MEIS1: variants seen among roughly 807,000 people sequenced by gnomAD.
MEIS1 encodes homeobox protein Meis1.
Under a neutral mutation model 50.8 loss-of-function variants are expected in MEIS1, and 5 were observed. That is an observed-to-expected ratio of 0.10 (90% confidence interval 0.05 to 0.21). MEIS1 has a LOEUF of 0.21. Ranked by LOEUF, MEIS1 falls within the 10% of genes least tolerant of loss-of-function variation. MEIS1 has a pLI of 1.00. For missense variants in MEIS1, 318 were observed against 517.3 expected, an observed-to-expected ratio of 0.61 and a Z score of 3.74; for synonymous variants, 176 against 179.3, an observed-to-expected ratio of 0.98 and a Z score of 0.15.
At chr2:66,444,613 G>A (rs1212786870) in intron 6 of MEIS1, among the ~76,000 whole-genome samples, 1 of 152,222 alleles carries the variant, frequency 6.6e-6, no homozygotes, top group African/African-American at 2.4e-5. Flanking sequence ...ATCCCAGTGC[G>A]GCCCCACAGA....
chr2:66,506,356 A>T (rs1014796268), intron 7 of MEIS1, among the ~76,000 whole-genome samples: 1 of 152,174 alleles, frequency 6.6e-6, no homozygotes, highest in Non-Finnish European at 1.5e-5. Context: ...TGGGGGAAGC[A>T]AGCGAAGACT....
intron 5 of MEIS1, chr2:66,441,826 T>G: frequency 4.6e-6 from 1 of 216,894 alleles, no homozygotes; most frequent in Non-Finnish European, 9.0e-6. Flanking sequence ...TCTTCTTTGC[T>G]ACCTCTGAGG....
intron 8 of MEIS1, among the ~76,000 whole-genome samples, chr2:66,515,068 A>G (rs1673931813): frequency 6.6e-6 from 1 of 152,156 alleles, no homozygotes; most frequent in Non-Finnish European, 1.5e-5. Context: ...GGAAGACTGT[A>G]CAAATTTTAA....
chr2:66,558,841 T>C (rs1675140301), intron 9 of MEIS1, among the ~76,000 whole-genome samples: 1 of 152,076 alleles, frequency 6.6e-6, no homozygotes, highest in Admixed American at 6.6e-5. Context: ...GGAGCTAAGA[T>C]TCTTTAATAC....
At chr2:66,491,806 T>G (rs1389881967) in intron 7 of MEIS1, among the ~76,000 whole-genome samples, 1 of 152,092 alleles carries the variant, frequency 6.6e-6, no homozygotes, top group South Asian at 2.1e-4. Context: ...CTCCCTTAAT[T>G]CCACAATGGA....
chr2:66,445,832 C>T (rs987037510), intron 6 of MEIS1, among the ~76,000 whole-genome samples: 1 of 152,094 alleles, frequency 6.6e-6, no homozygotes. Context: ...TTTCTTTCTT[C>T]TCTCTTTCCT....
intron 12 of MEIS1, chr2:66,570,755 T>C (rs758181540): frequency 1.1e-4 from 17 of 153,606 alleles, no homozygotes; most frequent in Non-Finnish European, 2.0e-4. Context: ...TTTGTGAAGA[T>C]TTTCTTTTCC....
At chr2:66,473,397 A>AAAAAAAAAAATATATATATAT in intron 7 of MEIS1, among the ~76,000 whole-genome samples, 1 of 107,588 alleles carries the variant, frequency 9.3e-6, no homozygotes, top group African/African-American at 5.8e-5. Context: ...AAAAAAAAAA[A>AAAAAAAAAAATATATATATAT]ATATATATAT....
rs1672032743 is a variant in MEIS1 at position 66,442,930 on chromosome 2, A to G, written c.512A>G (p.His171Arg). 1.3e-6 allele frequency: 2 copies of G among 1,589,852 alleles called. No individual in the cohort carries two copies. The highest frequency in any genetic ancestry group is 1.7e-6 in the Non-Finnish European group (2 of 1,172,970). ...CACGAATTATGTGACAATTTCTGCC[A>G]CCGGTATATTAGCTGTTTGAAAGGG... is the stretch of plus-strand genomic sequence containing the variant. ...KVHELCDNFCHRYISCLKGKM... is the reference protein window; with the variant it reads ...KVHELCDNFCRRYISCLKGKM... Residue 171 changes from histidine (H) to arginine (R), a missense_variant, in exon 6 of 13, where the codon CAC (histidine) becomes CGC (arginine). His to Arg is a conservative substitution (Grantham distance 29). Around this residue, in one of 6 missense-constraint regions of MEIS1, gnomAD observed 75 missense variants for 153.7 expected, o/e 0.49. Coordinates refer to ENST00000272369, the MANE Select transcript of MEIS1 (RefSeq NM_002398.3).
At chr2:66,528,332 T>C (rs945049095) in intron 8 of MEIS1, among the ~76,000 whole-genome samples, 2 of 152,148 alleles carry the variant, frequency 1.3e-5, no homozygotes, top group African/African-American at 4.8e-5. Flanking sequence ...CATGAATTAA[T>C]TTCTGGGTCC....
At chr2:66,536,132 T>G (rs868048318) in intron 8 of MEIS1, among the ~76,000 whole-genome samples, 5 of 152,332 alleles carry the variant, frequency 3.3e-5, no homozygotes, top group Middle Eastern at 3.4e-3. Flanking sequence ...ACCCATCTAA[T>G]GAATATTAAT....
At chr2:66,535,574 T>A (rs896014004) in intron 8 of MEIS1, among the ~76,000 whole-genome samples, 4 of 152,168 alleles carry the variant, frequency 2.6e-5, no homozygotes, top group African/African-American at 9.7e-5. Context: ...CCAGCCCAGT[T>A]AGATTTAATG....
At chr2:66,567,818 C>T (rs1675388198) in intron 10 of MEIS1, 1 of 572,722 alleles carries the variant, frequency 1.7e-6, no homozygotes, top group African/African-American at 1.9e-5. Context: ...GCCTTCCCAG[C>T]TCTTTCTGCT....
At chr2:66,519,750 C>T (rs777194344) in intron 8 of MEIS1, among the ~76,000 whole-genome samples, 15 of 152,162 alleles carry the variant, frequency 9.9e-5, no homozygotes, top group Non-Finnish European at 2.1e-4. Context: ...GGCCAACATC[C>T]TAAATTAGTT....
intron 7 of MEIS1, 23 bp downstream of exon 7, chr2:66,464,243 T>C: frequency 6.6e-7 from 1 of 1,515,200 alleles, no homozygotes; most frequent in Non-Finnish European, 9.0e-7. Flanking sequence ...TTATTCTCTT[T>C]TGCTACTTGT....
chr2:66,506,597 C>T (rs1673690424), intron 7 of MEIS1, among the ~76,000 whole-genome samples: 1 of 152,082 alleles, frequency 6.6e-6, no homozygotes, highest in African/African-American at 2.4e-5. Context: ...AGGGTAGCCA[C>T]CAAAGGATTT....
intron 8 of MEIS1, among the ~76,000 whole-genome samples, chr2:66,528,116 A>G (rs534899560): frequency 6.6e-6 from 1 of 152,304 alleles, no homozygotes; most frequent in South Asian, 2.1e-4. Flanking sequence ...GTAAATCTGT[A>G]CCTCATAAAT....
intron 9 of MEIS1, among the ~76,000 whole-genome samples, chr2:66,558,483 TTAAG>T (rs1464361248): frequency 6.6e-6 from 1 of 152,080 alleles, no homozygotes; most frequent in Non-Finnish European, 1.5e-5. Context: ...TTGTTTTCCT[TTAAG>T]TGTGTTTCCA....
intron 6 of MEIS1, 77 bp downstream of exon 6, chr2:66,443,125 C>T: frequency 6.9e-7 from 1 of 1,442,362 alleles, no homozygotes; most frequent in Non-Finnish European, 9.2e-7. Context: ...TCACTACCAC[C>T]TCCTTTTATT....
Sources: allele counts gnomAD v4.1 joint callset (sites outside exome capture counted in the v4.1 genomes callset), GRCh38; gene constraint gnomAD v4.1.1; regional missense constraint gnomAD v4.1.1; transcripts MANE v1.5; gene names NCBI Gene and HGNC (gene_info 2026-07-23, HGNC 2026-07-21).